Variants in USH2A observed in about 807,000 individuals in gnomAD.
USH2A encodes the protein usherin, also known as Usher syndrome 2A (autosomal recessive, mild).
Under a neutral mutation model 538.9 loss-of-function variants are expected in USH2A, and 443 were observed. That is an observed-to-expected ratio of 0.82 (90% CI 0.76 to 0.89). The LOEUF is 0.89. USH2A is among the 40% of genes least tolerant of loss of function. USH2A has a pLI of 0.00. For synonymous variants in USH2A, 2,413 were observed against 2,273.5 expected (o/e 1.06, Z -1.75); for missense variants, 6,633 against 6,324.8 (o/e 1.05, Z -1.65).
At chr1:216,141,814 T>C (rs2033609398) in intron 21 of USH2A, among the ~76,000 whole-genome samples, 2 of 152,058 alleles carry the variant, frequency 1.3e-5, no homozygotes, top group Non-Finnish European at 2.9e-5. Flanking sequence ...AGACATAATA[T>C]CCAACTGAAA....
chr1:215,938,806 C>T (rs1408479529), intron 37 of USH2A, among the ~76,000 whole-genome samples: 1 of 152,104 alleles, frequency 6.6e-6, no homozygotes, highest in African/African-American at 2.4e-5. Flanking sequence ...TCTCACTTAG[C>T]TCTTTGCAAA....
intron 38 of USH2A, among the ~76,000 whole-genome samples, chr1:215,916,439 C>T (rs1468356909): frequency 1.3e-5 from 2 of 151,920 alleles, no homozygotes; most frequent in African/African-American, 4.8e-5. Flanking sequence ...GAAGGTGGTA[C>T]AACATTTATC....
intron 37 of USH2A, among the ~76,000 whole-genome samples, chr1:215,962,658 TACACAC>T (rs10562094): frequency 6.6e-6 from 1 of 151,208 alleles, no homozygotes; most frequent in Non-Finnish European, 1.5e-5. Flanking sequence ...TGTTTATGTA[TACACAC>T]ACACACACAC....
intron 64 of USH2A, among the ~76,000 whole-genome samples, chr1:215,653,932 G>T (rs777077723): frequency 6.6e-6 from 1 of 152,138 alleles, no homozygotes; most frequent in Non-Finnish European, 1.5e-5. Flanking sequence ...CGATCTTTTA[G>T]TTGCAATGAA....
At chr1:216,063,114 A>G (rs1450649662) in intron 30 of USH2A, among the ~76,000 whole-genome samples, 1 of 152,214 alleles carries the variant, frequency 6.6e-6, no homozygotes, top group Non-Finnish European at 1.5e-5. Flanking sequence ...TATTTTCAAG[A>G]TCAGTAGCAA....
intron 38 of USH2A, among the ~76,000 whole-genome samples, chr1:215,902,884 A>T (rs1665538174): frequency 6.6e-6 from 1 of 152,112 alleles, no homozygotes; most frequent in Non-Finnish European, 1.5e-5. Context: ...AAAAGTCTTC[A>T]TAGGAGTTGT....
At chr1:216,313,814 C>T (rs149112574) in intron 9 of USH2A, among the ~76,000 whole-genome samples, 2 of 152,158 alleles carry the variant, frequency 1.3e-5, no homozygotes, top group East Asian at 3.9e-4. Context: ...TCTTGGTTGC[C>T]TTCTCTCTGC....
chr1:216,204,327 G>A (rs1022515644), intron 16 of USH2A: 8 of 152,122 alleles, frequency 5.3e-5, no homozygotes, highest in Admixed American at 2.0e-4. Context: ...TTCTCGAAGC[G>A]CTAGCTTGAC....
chr1:216,184,511 C>T (rs2034558461), intron 20 of USH2A, among the ~76,000 whole-genome samples: 1 of 151,916 alleles, frequency 6.6e-6, no homozygotes, highest in Admixed American at 6.6e-5. Flanking sequence ...TAGCATGGAG[C>T]AGAAAGTGAC....
chr1:216,278,401 T>C (rs945149707), intron 11 of USH2A, among the ~76,000 whole-genome samples: 10 of 152,212 alleles, frequency 6.6e-5, no homozygotes, highest in Non-Finnish European at 7.3e-5. Flanking sequence ...GATTAATTTT[T>C]CCCTTCTTTT....
At chr1:216,274,453 A>T (rs1018647192) in intron 11 of USH2A, among the ~76,000 whole-genome samples, 8 of 152,112 alleles carry the variant, frequency 5.3e-5, no homozygotes, top group Admixed American at 1.3e-4. Context: ...CAGCCCTAAG[A>T]TGTGGATTCT....
intron 3 of USH2A, among the ~76,000 whole-genome samples, chr1:216,381,418 GTTTA>G (rs1041167681): frequency 1.3e-4 from 20 of 152,124 alleles, no homozygotes; most frequent in Admixed American, 1.0e-3. Flanking sequence ...TGAGCATAGT[GTTTA>G]TTTAAGGAGA....
chr1:216,157,081 CCAG>C (rs546249259), intron 21 of USH2A, among the ~76,000 whole-genome samples: 22 of 152,044 alleles, frequency 1.4e-4, no homozygotes, highest in Non-Finnish European at 8.8e-5. Flanking sequence ...ACCATGTTGA[CCAG>C]GATGGTCTCG....
intron 37 of USH2A, among the ~76,000 whole-genome samples, chr1:215,954,542 C>T (rs1667014453): frequency 8.1e-6 from 1 of 123,064 alleles, no homozygotes; most frequent in Admixed American, 1.1e-4. Flanking sequence ...GGAAGGGGAA[C>T]ATCACACACT....
chr1:216,297,081 TACA>T (rs1382009082), intron 9 of USH2A, among the ~76,000 whole-genome samples: 3 of 151,998 alleles, frequency 2.0e-5, no homozygotes, highest in Non-Finnish European at 4.4e-5. Flanking sequence ...GCCTGGGTGA[TACA>T]ATATCTCACA....
At chr1:215,669,952 T>C (rs960192128) in intron 64 of USH2A, among the ~76,000 whole-genome samples, 2 of 152,152 alleles carry the variant, frequency 1.3e-5, no homozygotes, top group African/African-American at 4.8e-5. Flanking sequence ...TTTTAGAAAA[T>C]TTCTGTTGGC....
chr1:216,130,675 G>GTATA (rs375640302), intron 21 of USH2A, among the ~76,000 whole-genome samples: 8 of 145,932 alleles, frequency 5.5e-5, no homozygotes, highest in African/African-American at 1.8e-4. Context: ...TATATATCAC[G>GTATA]TATATATATA....
chr1:215,906,952 A>G (rs1305380922), intron 38 of USH2A, among the ~76,000 whole-genome samples: 1 of 151,968 alleles, frequency 6.6e-6, no homozygotes, highest in Non-Finnish European at 1.5e-5. Context: ...CCTCTCACCA[A>G]ATAAGGAATC....
rs567447414 is a variant in USH2A at position 216,056,914 on chromosome 1, A to C, written c.6050-8267T>G. ...AAAATGATCATAAAAGGTAGAAAACAGAAAAGTCTGGCTGTGCATTCTTCT... is the reference window on the plus strand; with the variant it reads ...AAAATGATCATAAAAGGTAGAAAACCGAAAAGTCTGGCTGTGCATTCTTCT... On this transcript the variant is annotated intron_variant, in intron 30 of 71. Transcript: ENST00000307340. Among the ~76,000 whole-genome samples, 5 of 152,354 alleles carry C rather than the reference A, an allele frequency of 3.3e-5. No individual in the cohort carries two copies. In the South Asian group the frequency reaches 1.0e-3, roughly 32 times the overall value.
Sources: gnomAD v4.1 joint callset for allele counts (sites outside exome capture counted in the v4.1 genomes callset) on GRCh38, gnomAD v4.1.1 for gene constraint, MANE v1.5 for transcripts, NCBI Gene and HGNC (gene_info 2026-07-23, HGNC 2026-07-21) for gene names.